The following NAALADL2 variants were observed in gnomAD, a reference collection of about 807,000 sequenced individuals.
The protein encoded by NAALADL2 is inactive N-acetylated-alpha-linked acidic dipeptidase-like protein 2.
In NAALADL2, 76 loss-of-function variants were observed where a neutral mutation model predicts 87.2. The observed-to-expected ratio is 0.87, with a 90% CI of 0.72 to 1.05. The LOEUF (loss-of-function observed/expected upper bound fraction) is 1.05, where lower values mean the gene tolerates loss of function less well. Among genes scored for constraint, NAALADL2 ranks in the 50% least tolerant of loss-of-function variants. NAALADL2 has a pLI of 0.00. For missense variants in NAALADL2, 1,089 were observed against 945.8 expected, an observed-to-expected ratio of 1.15 and a Z score of -1.99; for synonymous variants, 354 against 331.0, an observed-to-expected ratio of 1.07 and a Z score of -0.75.
At chr3:174,447,105 G>A (rs541932082) in intron 1 of NAALADL2, among the ~76,000 whole-genome samples, 3 of 152,318 alleles carry the variant, frequency 2.0e-5, no homozygotes, top group Admixed American at 2.0e-4. Context: ...GTTGAGATAA[G>A]ACAATGTGAG....
At chr3:174,644,988 C>T (rs1018225984) in intron 2 of NAALADL2, among the ~76,000 whole-genome samples, 1 of 152,170 alleles carries the variant, frequency 6.6e-6, no homozygotes, top group African/African-American at 2.4e-5. Context: ...ATTTTCTCTG[C>T]CATTGGCAAG....
intron 13 of NAALADL2, among the ~76,000 whole-genome samples, chr3:175,795,692 AAAAATAAAAT>A (rs549505064): frequency 4.6e-5 from 7 of 151,334 alleles, no homozygotes; most frequent in Admixed American, 2.6e-4. Flanking sequence ...CAAAAAATAA[AAAAATAAAAT>A]AAAATAAAAT....
chr3:174,832,614 A>G (rs1722857896), intron 3 of NAALADL2, among the ~76,000 whole-genome samples: 1 of 152,076 alleles, frequency 6.6e-6, no homozygotes, highest in Admixed American at 6.5e-5. Context: ...GGTGGCTGCC[A>G]CCACATCCGG....
intron 3 of NAALADL2, among the ~76,000 whole-genome samples, chr3:175,252,795 A>G (rs745627560): frequency 5.9e-5 from 9 of 152,224 alleles, no homozygotes; most frequent in African/African-American, 9.6e-5. Context: ...TATTGCTGAT[A>G]TGGAGAAAGT....
rs1712612727 is a variant in NAALADL2, at chr3:175,407,444, G to A, written c.1091-39785G>A. On this transcript the variant is annotated intron_variant, in intron 5 of 13. Transcript: ENST00000454872. ...ATAATCTGATCTCAAGGAAAGCAAA[G>A]CACTCTATATGTTTTATATATACTT... Among the ~76,000 whole-genome samples, 3 of 152,096 alleles carry A rather than the reference G, an allele frequency of 2.0e-5. No homozygotes were observed. In the South Asian group the frequency reaches 6.2e-4, roughly 32 times the overall value.
intron 2 of NAALADL2, among the ~76,000 whole-genome samples, chr3:174,650,047 G>A (rs1724196842): frequency 6.6e-6 from 1 of 151,828 alleles, no homozygotes; most frequent in Non-Finnish European, 1.5e-5. Flanking sequence ...TCAATAATAA[G>A]ATAATAATAG....
intron 10 of NAALADL2, among the ~76,000 whole-genome samples, chr3:175,603,490 G>A (rs1723238497): frequency 6.6e-6 from 1 of 151,900 alleles, no homozygotes; most frequent in Non-Finnish European, 1.5e-5. Flanking sequence ...CTCCCTCCAG[G>A]CCCTGACAAC....
At chr3:174,644,210 T>G (rs1723547889) in intron 2 of NAALADL2, among the ~76,000 whole-genome samples, 1 of 152,226 alleles carries the variant, frequency 6.6e-6, no homozygotes, top group Non-Finnish European at 1.5e-5. Flanking sequence ...GATTAGAAAC[T>G]GACAGAGTAT....
intron 1 of NAALADL2, among the ~76,000 whole-genome samples, chr3:174,510,193 T>C (rs1305014582): frequency 1.3e-5 from 2 of 152,176 alleles, no homozygotes; most frequent in Non-Finnish European, 2.9e-5. Flanking sequence ...GATTTGTAGT[T>C]TTCCTTTCTT....
chr3:175,741,871 A>T (rs1299904499), intron 12 of NAALADL2, among the ~76,000 whole-genome samples: 1 of 152,214 alleles, frequency 6.6e-6, no homozygotes, highest in Non-Finnish European at 1.5e-5. Context: ...TTATTTTGCC[A>T]ACGTTAATGA....
At chr3:175,783,894 TGA>T (rs1333410238) in intron 13 of NAALADL2, among the ~76,000 whole-genome samples, 2 of 142,570 alleles carry the variant, frequency 1.4e-5, no homozygotes, top group African/African-American at 3.0e-5. Flanking sequence ...CCTAATTTAT[TGA>T]GAGTTTTTAG....
chr3:175,512,099 C>T (rs1438649909), intron 9 of NAALADL2, among the ~76,000 whole-genome samples: 5 of 152,056 alleles, frequency 3.3e-5, no homozygotes, highest in African/African-American at 1.2e-4. Context: ...TGAAAATTAA[C>T]TTGGCATAGC....
intron 9 of NAALADL2, among the ~76,000 whole-genome samples, chr3:175,500,929 G>A (rs1729463544): frequency 1.3e-5 from 2 of 152,112 alleles, no homozygotes; most frequent in Non-Finnish European, 2.9e-5. Flanking sequence ...GACAAGCCAA[G>A]AAGTTTGACC....
chr3:175,660,059 A>G (rs559711302), intron 11 of NAALADL2, among the ~76,000 whole-genome samples: 4 of 152,268 alleles, frequency 2.6e-5, no homozygotes, highest in African/African-American at 9.6e-5. Context: ...GTGGGCTTCA[A>G]AAATGGTGCT....
intron 5 of NAALADL2, among the ~76,000 whole-genome samples, chr3:175,437,255 C>T (rs1249628898): frequency 6.7e-6 from 1 of 149,332 alleles, no homozygotes; most frequent in African/African-American, 2.5e-5. Context: ...AGCAAAGTCT[C>T]AGGATACAAA....
intron 2 of NAALADL2, among the ~76,000 whole-genome samples, chr3:174,572,930 C>T (rs144297771): frequency 6.6e-6 from 1 of 152,096 alleles, no homozygotes; most frequent in African/African-American, 2.4e-5. Context: ...ATCCTAATTT[C>T]CCACATAAGA....
intron 13 of NAALADL2, among the ~76,000 whole-genome samples, chr3:175,781,396 T>C (rs959184053): frequency 3.9e-5 from 6 of 152,118 alleles, no homozygotes; most frequent in African/African-American, 1.4e-4. Context: ...TAAAGAACAA[T>C]GCATGACTCA....
intron 10 of NAALADL2, among the ~76,000 whole-genome samples, chr3:175,610,911 G>A (rs1299541057): frequency 9.9e-5 from 15 of 151,986 alleles, no homozygotes; most frequent in Non-Finnish European, 2.2e-4. Context: ...GTATAGATAT[G>A]ATGAAAATAC....
chr3:175,538,054 G>A (rs375599921), intron 9 of NAALADL2, among the ~76,000 whole-genome samples: 4 of 152,138 alleles, frequency 2.6e-5, no homozygotes, highest in East Asian at 3.8e-4. Context: ...TATAAAGCTC[G>A]ATTAGATGTT....
Sources: allele counts gnomAD v4.1 joint callset (sites outside exome capture counted in the v4.1 genomes callset), GRCh38; gene constraint gnomAD v4.1.1; transcripts MANE v1.5; gene names NCBI Gene and HGNC (gene_info 2026-07-23, HGNC 2026-07-21).